MPST: variants seen among roughly 807,000 people sequenced by gnomAD.
MPST encodes the protein 3-mercaptopyruvate sulfurtransferase.
MPST carries 27 observed loss-of-function variants against 28.5 expected under a neutral mutation model. The ratio of observed to expected loss-of-function variants is 0.95; its 90% CI spans 0.70 to 1.31. The LOEUF is 1.31. MPST is among the 50% of genes most tolerant of loss of function. The probability of loss-of-function intolerance (pLI) is 0.00; values close to 1 mark genes in which losing one functional copy is unlikely to be tolerated. For synonymous variants in MPST, 204 were observed against 209.3 expected (o/e 0.97, Z 0.22); for missense variants, 492 against 471.1 (o/e 1.04, Z -0.41).
chr22:37,019,934 G>A lies in MPST; in HGVS notation c.36+62G>A, dbSNP rs543744705. Reference sequence around the variant, plus strand: ...GGGGAGGGAGTGGCTCTTTGGGGGTGCTCGGCGCGGGGCTCCCGCGCGGGA... The same window carrying A: ...GGGGAGGGAGTGGCTCTTTGGGGGTACTCGGCGCGGGGCTCCCGCGCGGGA... On this transcript the variant is annotated intron_variant, in intron 1 of 2. Transcript: ENST00000429360. 1,993 of 843,996 alleles carry A rather than the reference G, an allele frequency of 2.4e-3. 9 individuals carry two copies. The highest frequency in any genetic ancestry group is 2.9e-3 in the Non-Finnish European group (1,821 of 631,486). 52.3% of individuals were successfully genotyped at this position (843,996 alleles called of 1,614,324 possible). A position where few individuals can be genotyped will look rare whatever the true frequency, so the allele number is the denominator to read the frequency against.
chr22:37,020,014 A>G, intron 1 of MPST, 142 bp downstream of exon 1: 1 of 422,398 alleles, frequency 2.4e-6, no homozygotes, highest in Admixed American at 4.5e-5. Flanking sequence ...CTACGTTGGC[A>G]CTAAGGGTGA....
intron 2 of MPST, 49 bp from the exon 3 acceptor site, chr22:37,029,167 T>C (rs1235434632): frequency 2.6e-6 from 4 of 1,556,284 alleles, no homozygotes; most frequent in Non-Finnish European, 3.5e-6. Flanking sequence ...CGAGGTACCA[T>C]TCATAGCATC....
chr22:37,024,414 G>C lies in MPST; in HGVS notation c.259G>C (p.Asp87His), dbSNP rs775815304. 64 of 1,545,254 alleles carry C rather than the reference G, an allele frequency of 4.1e-5. No homozygotes were observed. Among genetic ancestry groups the C allele is most frequent in the Non-Finnish European group, 5.5e-5 (63 of 1,143,868 alleles). ...AAFFDIDQCS[D>H]RTSPYDHMLP... is the part of the protein sequence containing the mutation. The stretch of plus-strand genomic sequence containing the variant: ...TTTCTTCGACATCGACCAGTGCAGC[G>C]ACCGCACCTCGCCCTACGACCACAT... Residue 87 changes from aspartate (D) to histidine (H), a missense_variant, in exon 2 of 3, where the codon GAC becomes CAC. Coordinates refer to ENST00000429360, the MANE Select transcript of MPST (RefSeq NM_021126.8).
In MPST at chr22:37,024,209, C is replaced by T. The variant is rs761652369; in HGVS notation, c.54C>T (p.Val18=). The T allele has an allele frequency of 8.0e-6, 11 of 1,381,584 alleles. No individual in the cohort carries two copies. Among genetic ancestry groups the T allele is most frequent in the Non-Finnish European group, 8.4e-6 (9 of 1,075,924 alleles). The allele number at this position is 1,381,584 out of a possible 1,614,324, so 85.6% of individuals were successfully genotyped here. ...TCGCCCAGGCCCGCAGCCCGAGTGT[C>T]GCCGCCATGGCTTCGCCGCAGCTCT... ...ESETRARSPS[V]AAMASPQLCR... Residue 18 remains valine (V), a synonymous_variant, in exon 2 of 3, where the codon GTC becomes GTT. Coordinates refer to ENST00000429360, the MANE Select transcript of MPST (RefSeq NM_021126.8).
chr22:37,028,825 G>A (rs1923697649), intron 2 of MPST: 1 of 180,248 alleles, frequency 5.5e-6, no homozygotes, highest in Admixed American at 5.5e-5. Context: ...TAATTATTCA[G>A]TTGCCTGTCT....
Position 37,029,449 on chromosome 22 carries a change from G to A in MPST, c.889G>A (p.Val297Met), listed in dbSNP as rs1408616607. ...CGTGCCCATCTACGATGGCTCCTGG[G>A]TGGAGTGGTACATGCGCGCCCGGCC... The part of the protein sequence containing the change: ...PDVPIYDGSW[V>M]EWYMRARPED... The change falls in exon 3 of 3, where the codon GTG becomes ATG. Residue 297 changes from valine to methionine, a missense_variant. Transcript: ENST00000429360. 6 of 1,613,646 alleles carry A rather than the reference G, an allele frequency of 3.7e-6. No homozygotes were observed. Among genetic ancestry groups the A allele is most frequent in the East Asian group, 2.2e-5 (1 of 44,880 alleles).
intron 2 of MPST, chr22:37,025,087 C>A (rs1250650911): frequency 6.7e-7 from 1 of 1,495,944 alleles, no homozygotes; most frequent in Admixed American, 2.0e-5. Flanking sequence ...GGTGACCCTC[C>A]CCGCTCAGCC....
Position 37,029,764 on chromosome 22 carries a change from C to T in MPST, c.*250C>T, listed in dbSNP as rs1459000998. ...TGCCCACCTGGTGCTGAGCTGGGGC[C>T]CCGCCTCCTTTCTGTTTTATTTTTG... On this transcript the variant is annotated 3_prime_UTR_variant, in exon 3 of 3. Transcript: ENST00000429360. The T allele has an allele frequency of 3.6e-6, 2 of 555,130 alleles. No homozygotes were observed. The highest frequency in any genetic ancestry group is 6.4e-6 in the Non-Finnish European group (2 of 313,534). The allele number at this position is 555,130 out of a possible 1,614,324, so 34.4% of individuals were successfully genotyped here. A position where few individuals can be genotyped will look rare whatever the true frequency, so the allele number is the denominator to read the frequency against.
Position 37,024,499 on chromosome 22 carries a change from C to T in MPST, c.344C>T (p.Thr115Ile). The T allele has an allele frequency of 6.4e-7, 1 of 1,562,850 alleles. No homozygotes were observed. The change falls in exon 2 of 3, where the codon ACC (threonine) becomes ATC (isoleucine). Residue 115 changes from threonine (T) to isoleucine (I), a missense_variant. By Grantham distance (89) the Thr-to-Ile change is moderately conservative. Coordinates refer to ENST00000429360, the MANE Select transcript of MPST (RefSeq NM_021126.8). ...GGCCGCCTGGGCGTGGGCGCGGCCA[C>T]CCACGTCGTGATCTACGACGCCAGC... ...YAGRLGVGAA[T>I]HVVIYDASDQ... is the part of the protein sequence containing the mutation.
In MPST at chr22:37,019,811, G is replaced by C. The variant is rs1922913782; in HGVS notation, c.-26G>C. On this transcript the variant is annotated 5_prime_UTR_variant, in exon 1 of 3. Coordinates refer to ENST00000429360, the MANE Select transcript of MPST (RefSeq NM_021126.8). Reference sequence around the variant, plus strand: ...GAGGAGGGGACAGCTGCGGGCGCGGGGAGGGGGCGCCGCGCCGCGGGGGCC... The same window carrying C: ...GAGGAGGGGACAGCTGCGGGCGCGGCGAGGGGGCGCCGCGCCGCGGGGGCC... The C allele has an allele frequency of 8.7e-7, 1 of 1,155,394 alleles. No homozygotes were observed. The highest frequency in any genetic ancestry group is 4.4e-5 in the South Asian group (1 of 22,904). 71.6% of individuals were successfully genotyped at this position (1,155,394 alleles called of 1,614,324 possible).
rs757017467 is a variant in MPST at position 37,029,336 on chromosome 22, A to G, written c.776A>G (p.Asp259Gly). The change falls in exon 3 of 3, where the codon GAC becomes GGC. Residue 259 changes from aspartate to glycine, a missense_variant. Physicochemically the swap from Asp to Gly is moderately conservative, Grantham distance 94. Coordinates refer to ENST00000429360, the MANE Select transcript of MPST (RefSeq NM_021126.8). ...CATCTGTTCCAGGAGAAGAAAGTGG[A>G]CCTGTCTAAGCCACTGGTGGCCACG... Reference protein sequence around the residue: ...IRHLFQEKKVDLSKPLVATCG... With the variant: ...IRHLFQEKKVGLSKPLVATCG... 139 of 1,613,992 alleles carry G rather than the reference A, an allele frequency of 8.6e-5. No homozygotes were observed. The highest frequency in any genetic ancestry group is 1.2e-4 in the Non-Finnish European group (136 of 1,180,036).
In MPST at chr22:37,024,515, C is replaced by A; in HGVS notation, c.360C>A (p.Tyr120Ter). The A allele has an allele frequency of 6.4e-7, 1 of 1,564,564 alleles. No individual in the cohort carries two copies. The highest frequency in any genetic ancestry group is 2.4e-5 in the East Asian group (1 of 42,368). The stretch of plus-strand genomic sequence containing the variant: ...GCGCGGCCACCCACGTCGTGATCTA[C>A]GACGCCAGCGACCAGGGCCTCTACT... ...GVGAATHVVIYDASDQGLYSA... is the reference protein window; with the variant it reads ...GVGAATHVVI The change falls in exon 2 of 3, where the codon TAC becomes TAA. Residue 120 changes from tyrosine (Y) to a stop codon, truncating the protein, a stop_gained. Transcript: ENST00000429360. LOFTEE classifies it high-confidence loss of function.
At chr22:37,020,966 T>G (rs553603890) in intron 1 of MPST, among the ~76,000 whole-genome samples, 3 of 151,820 alleles carry the variant, frequency 2.0e-5, no homozygotes, top group African/African-American at 7.2e-5. Context: ...GCCTCATCCC[T>G]CTTTTTAAAA....
In MPST at chr22:37,019,817, G is replaced by T. The variant is rs564150771; in HGVS notation, c.-20G>T. 160 of 1,177,912 alleles carry T rather than the reference G, an allele frequency of 1.4e-4. No individual in the cohort carries two copies. In the East Asian group the frequency reaches 4.8e-3, roughly 35 times the overall value. 73.0% of individuals were successfully genotyped at this position (1,177,912 alleles called of 1,614,324 possible). ...GGGACAGCTGCGGGCGCGGGGAGGG[G>T]GCGCCGCGCCGCGGGGGCCATGGCG... On this transcript the variant is annotated 5_prime_UTR_variant, in exon 1 of 3. Transcript: ENST00000429360.
At position 37,024,538 on chromosome 22, in the gene MPST, A is replaced by C; in HGVS notation, c.383A>C (p.Tyr128Ser). 1 of 1,569,090 alleles carries C rather than the reference A, an allele frequency of 6.4e-7. No homozygotes were observed. The highest frequency in any genetic ancestry group is 8.6e-7 in the Non-Finnish European group (1 of 1,163,538). ...TACGACGCCAGCGACCAGGGCCTCT[A>C]CTCCGCCCCGCGCGTCTGGTGGATG... Reference protein sequence around the residue: ...VIYDASDQGLYSAPRVWWMFR... With the variant: ...VIYDASDQGLSSAPRVWWMFR... Residue 128 changes from tyrosine to serine, a missense_variant, in exon 2 of 3, where the codon TAC becomes TCC. By Grantham distance (144) the Tyr-to-Ser change is moderately radical. Coordinates refer to ENST00000429360, the MANE Select transcript of MPST (RefSeq NM_021126.8).
intron 2 of MPST, chr22:37,027,794 C>G (rs1923630082): frequency 6.6e-6 from 1 of 152,272 alleles, no homozygotes; most frequent in South Asian, 2.1e-4. Context: ...CTGGGATGCT[C>G]TAGGCCTCCA....
At chr22:37,022,848 GC>G (rs1386550004) in intron 1 of MPST, among the ~76,000 whole-genome samples, 12 of 152,376 alleles carry the variant, frequency 7.9e-5, no homozygotes, top group Admixed American at 6.5e-4. Context: ...CTGATCTGCA[GC>G]CCATACTCCA....
chr22:37,019,862 C>A lies in MPST; in HGVS notation c.26C>A (p.Ser9Tyr). 8.2e-7 allele frequency: 1 copy of A among 1,223,012 alleles called. No individual in the cohort carries two copies. The allele number at this position is 1,223,012 out of a possible 1,614,324, so 75.8% of individuals were successfully genotyped here. A position where few individuals can be genotyped will look rare whatever the true frequency, so the allele number is the denominator to read the frequency against. The change falls in exon 1 of 3, where the codon TCC becomes TAC. Residue 9 changes from serine to tyrosine, a missense_variant. Ser to Tyr is a moderately radical substitution (Grantham distance 144, BLOSUM62 -2). Transcript: ENST00000429360. ...ATGGCGGAGCCAGGAAGCCGGGAGTCCGAGACCCGGGTAACTGCCGCGGCG... is the reference window on the plus strand; with the variant it reads ...ATGGCGGAGCCAGGAAGCCGGGAGTACGAGACCCGGGTAACTGCCGCGGCG... MAEPGSRE[S>Y]ETRARSPSVA...
At position 37,029,648 on chromosome 22, in the gene MPST, G is replaced by T; in HGVS notation, c.*134G>T. ...GTGGCATTTGGGGTGACATCTCAAA[G>T]GCCAGGAATTCCGTTGACTTGTTGG... On this transcript the variant is annotated 3_prime_UTR_variant, in exon 3 of 3. Coordinates refer to ENST00000429360, the MANE Select transcript of MPST (RefSeq NM_021126.8). 1 of 943,240 alleles carries T rather than the reference G, an allele frequency of 1.1e-6. No individual in the cohort carries two copies. The highest frequency in any genetic ancestry group is 1.6e-6 in the Non-Finnish European group (1 of 643,396). The allele number at this position is 943,240 out of a possible 1,614,324, so 58.4% of individuals were successfully genotyped here. A position where few individuals can be genotyped will look rare whatever the true frequency, so the allele number is the denominator to read the frequency against.
Sources: gnomAD v4.1 joint callset for allele counts (sites outside exome capture counted in the v4.1 genomes callset) on GRCh38, gnomAD v4.1.1 for gene constraint, MANE v1.5 for transcripts, NCBI Gene and HGNC (gene_info 2026-07-23, HGNC 2026-07-21) for gene names.